The following UGT1A5 variants were observed in gnomAD, a reference collection of about 807,000 sequenced individuals.
The protein encoded by UGT1A5 is UDP-glucuronosyltransferase 1A5.
UGT1A5 carries 29 observed loss-of-function variants against 40.3 expected under a neutral mutation model. The ratio of observed to expected loss-of-function variants is 0.72; its 90% CI spans 0.54 to 0.98. The LOEUF (loss-of-function observed/expected upper bound fraction) is 0.98. UGT1A5 is among the 50% of genes least tolerant of loss of function. The pLI is 0.00. For missense variants in UGT1A5, 678 were observed against 677.9 expected, an observed-to-expected ratio of 1.00 and a Z score of 0.00; for synonymous variants, 257 against 262.5, an observed-to-expected ratio of 0.98 and a Z score of 0.20.
chr2:233,757,535 A>AATATATATACATATAT (rs376887521), intron 1 of UGT1A5, among the ~76,000 whole-genome samples: 314 of 87,900 alleles, frequency 3.6e-3, no homozygotes, highest in Non-Finnish European at 5.4e-3. Context: ...GCCTGTAAGG[A>AATATATATACATATAT]ATATATATAT....
At chr2:233,750,124 G>C (rs1694369237) in intron 1 of UGT1A5, among the ~76,000 whole-genome samples, 1 of 151,918 alleles carries the variant, frequency 6.6e-6, no homozygotes, top group South Asian at 2.1e-4. Context: ...GAAGATGTGG[G>C]AAAGTTTGGA....
intron 1 of UGT1A5, among the ~76,000 whole-genome samples, chr2:233,717,385 T>G (rs2076570298): frequency 6.6e-6 from 1 of 152,230 alleles, no homozygotes; most frequent in Non-Finnish European, 1.5e-5. Context: ...AGACCTGCCC[T>G]CTCTGTGCCA....
At chr2:233,760,852 C>A (rs770420506) in intron 1 of UGT1A5, 4 of 1,614,068 alleles carry the variant, frequency 2.5e-6, no homozygotes, top group Non-Finnish European at 3.4e-6. Flanking sequence ...GTGCCCCAAC[C>A]CATTCTCCTA....
Position 233,712,979 on chromosome 2 carries a change from G to A in UGT1A5, c.-13G>A, listed in dbSNP as rs45540735. The A allele has an allele frequency of 3.7e-5, 59 of 1,613,170 alleles. 1 individual carries two copies. In the East Asian group the frequency reaches 7.8e-4, roughly 21 times the overall value. On this transcript the variant is annotated 5_prime_UTR_variant, in exon 1 of 5. Transcript: ENST00000373414. Reference sequence around the variant, plus strand: ...GTGGGGTGGACAGTCAGCTGTCGGTGGCTTCTGCTGAGATGGCCACAGGAC... The same window carrying A: ...GTGGGGTGGACAGTCAGCTGTCGGTAGCTTCTGCTGAGATGGCCACAGGAC...
chr2:233,747,129 A>G, intron 1 of UGT1A5: 1 of 1,518,564 alleles, frequency 6.6e-7, no homozygotes, highest in Non-Finnish European at 8.9e-7. Flanking sequence ...TAAGTGGCTC[A>G]GTGACAAGGT....
intron 1 of UGT1A5, chr2:233,740,890 A>G (rs1162422597): frequency 6.6e-6 from 1 of 150,830 alleles, no homozygotes; most frequent in Non-Finnish European, 1.5e-5. Context: ...TGCAGGGACA[A>G]CATAGTAGGT....
chr2:233,750,918 A>G (rs1308171109), intron 1 of UGT1A5, among the ~76,000 whole-genome samples: 1 of 151,874 alleles, frequency 6.6e-6, no homozygotes, highest in Admixed American at 6.5e-5. Context: ...AGGGTGGTAA[A>G]GAAATGTGAG....
intron 1 of UGT1A5, among the ~76,000 whole-genome samples, chr2:233,716,593 A>G (rs17874943): frequency 0.1 from 15,436 of 152,206 alleles, 900 homozygotes; most frequent in East Asian, 0.2. Flanking sequence ...AAGAGCAAAA[A>G]TTTTAGAATT....
chr2:233,754,399 C>T (rs1054804), intron 1 of UGT1A5: 9,950 of 333,324 alleles, frequency 0.03, 183 homozygotes, highest in African/African-American at 0.05. Flanking sequence ...CCTATCCGTG[C>T]AGTCCCAACA....
At chr2:233,771,176 C>T (rs887864017) in intron 4 of UGT1A5, 17 of 152,256 alleles carry the variant, frequency 1.1e-4, no homozygotes, top group African/African-American at 3.6e-4. Context: ...CTGGGGATTA[C>T]AATTCAACAT....
At chr2:233,716,751 G>A (rs900841882) in intron 1 of UGT1A5, among the ~76,000 whole-genome samples, 2 of 152,184 alleles carry the variant, frequency 1.3e-5, no homozygotes, top group African/African-American at 4.8e-5. Flanking sequence ...GATTGGGAGA[G>A]GGGAGCTAGA....
chr2:233,725,463 A>G (rs1262858111), intron 1 of UGT1A5, among the ~76,000 whole-genome samples: 1 of 152,026 alleles, frequency 6.6e-6, no homozygotes, highest in Non-Finnish European at 1.5e-5. Flanking sequence ...AAACTTTTCT[A>G]GTGGGCATGT....
chr2:233,755,297 AC>A (rs1695850513), intron 1 of UGT1A5: 1 of 623,324 alleles, frequency 1.6e-6, no homozygotes, highest in Admixed American at 3.1e-5. Context: ...CCTGCGGGGC[AC>A]TGGCACAGCG....
chr2:233,729,652 A>T, intron 1 of UGT1A5: 1 of 1,613,890 alleles, frequency 6.2e-7, no homozygotes, highest in Non-Finnish European at 8.5e-7. Flanking sequence ...TTTGAGGAAC[A>T]TTCCATGTGA....
At chr2:233,763,025 C>T (rs532955500) in intron 1 of UGT1A5, among the ~76,000 whole-genome samples, 9 of 152,224 alleles carry the variant, frequency 5.9e-5, no homozygotes, top group African/African-American at 2.2e-4. Context: ...ATTATGTTAG[C>T]CATTGTTTTC....
rs2076318102 is a variant in UGT1A5, at chr2:233,713,399, C to T, written c.408C>T (p.Ala136=). 1.2e-6 allele frequency: 2 copies of T among 1,614,000 alleles called. No individual in the cohort carries two copies. Among genetic ancestry groups the T allele is most frequent in the Non-Finnish European group, 1.7e-6 (2 of 1,179,992 alleles). Residue 136 remains alanine (A), a synonymous_variant, in exon 1 of 5, where the codon GCC becomes GCT. Coordinates refer to ENST00000373414, the MANE Select transcript of UGT1A5 (RefSeq NM_019078.2). ...GTGTGGAGCTACTGCATAATGAGGCCCTGATCAGGCACCTGCATGCTACTT... is the reference window on the plus strand; with the variant it reads ...GTGTGGAGCTACTGCATAATGAGGCTCTGATCAGGCACCTGCATGCTACTT... The part of the protein sequence containing the change: ...RSCVELLHNE[A]LIRHLHATSF...
At chr2:233,739,958 T>A (rs1559383787) in intron 1 of UGT1A5, among the ~76,000 whole-genome samples, 1 of 151,938 alleles carries the variant, frequency 6.6e-6, no homozygotes, top group Non-Finnish European at 1.5e-5. Flanking sequence ...TGGGAGCTGA[T>A]TGAATCATAT....
At chr2:233,754,206 T>C (rs1220915682) in intron 1 of UGT1A5, 1 of 163,280 alleles carries the variant, frequency 6.1e-6, no homozygotes, top group Admixed American at 5.7e-5. Context: ...AACATTGAAG[T>C]CAAATGATTT....
intron 1 of UGT1A5, among the ~76,000 whole-genome samples, chr2:233,717,560 C>T (rs2076588368): frequency 6.6e-6 from 1 of 152,246 alleles, no homozygotes; most frequent in Admixed American, 6.5e-5. Flanking sequence ...CAATGGCAGA[C>T]ATGGCCAGGC....
Sources: gnomAD v4.1 joint callset for allele counts (sites outside exome capture counted in the v4.1 genomes callset) on GRCh38, gnomAD v4.1.1 for gene constraint, MANE v1.5 for transcripts, NCBI Gene and HGNC (gene_info 2026-07-23, HGNC 2026-07-21) for gene names.